MBD5: variants seen among roughly 807,000 people sequenced by gnomAD.
MBD5 encodes methyl-CpG-binding domain protein 5.
Under a neutral mutation model 117.3 loss-of-function variants are expected in MBD5, and 13 were observed. The observed-to-expected ratio is 0.11, with a 90% CI of 0.07 to 0.18. MBD5 has a LOEUF of 0.18. MBD5 is among the 10% of genes least tolerant of loss of function. The pLI, the probability that MBD5 is intolerant of heterozygous loss-of-function variation, is 1.00. For missense variants in MBD5, 1,879 were observed against 2,093.8 expected, an observed-to-expected ratio of 0.90 and a Z score of 2.00; for synonymous variants, 727 against 766.4, an observed-to-expected ratio of 0.95 and a Z score of 0.85.
chr2:148,156,080 G>A (rs1374709988), intron 1 of MBD5, among the ~76,000 whole-genome samples: 1 of 152,188 alleles, frequency 6.6e-6, no homozygotes, highest in Admixed American at 6.5e-5. Context: ...ATCCCGGACA[G>A]GTACAAAAGA....
Position 148,374,240 on chromosome 2 carries a change from T to TACACACACAC in MBD5, c.-557+31931_-557+31940dup, listed in dbSNP as rs57110874. On this transcript the variant is annotated intron_variant, in intron 4 of 13. Transcript: ENST00000642680. ...ATTCCAAACTAAATATGTTTATGCA[T>TACACACACAC]ACACACACACACACACACACACACA... Among the ~76,000 whole-genome samples, 87 of 141,970 alleles carry TACACACACAC rather than the reference T, an allele frequency of 6.1e-4. 1 individual carries two copies. The highest frequency in any genetic ancestry group is 1.3e-3 in the African/African-American group (50 of 39,080). The allele number at this position is 141,970 out of a possible 152,430, so 93.1% of individuals were successfully genotyped here.
chr2:148,224,802 A>T (rs1699779518), intron 2 of MBD5, among the ~76,000 whole-genome samples: 1 of 151,818 alleles, frequency 6.6e-6, no homozygotes, highest in Admixed American at 6.6e-5. Context: ...TGACCCCTTT[A>T]TCATAACATA....
Position 148,483,091 on chromosome 2 carries a change from T to G in MBD5, c.2519-19T>G, listed in dbSNP as rs200810831. ...ATGATTAATAACTGGGTTTTGTGTT[T>G]TTTTTTTTTTCATTTTAGGCGGTTC... On this transcript the variant is annotated intron_variant, in intron 8 of 13. Coordinates refer to ENST00000642680, the MANE Select transcript of MBD5 (RefSeq NM_001378120.1). The G allele has an allele frequency of 3.9e-6, 6 of 1,530,858 alleles. No individual in the cohort carries two copies. Among genetic ancestry groups the G allele is most frequent in the South Asian group, 3.5e-5 (3 of 85,144 alleles). The allele number at this position is 1,530,858 out of a possible 1,614,324, so 94.8% of individuals were successfully genotyped here. A position where few individuals can be genotyped will look rare whatever the true frequency, so the allele number is the denominator to read the frequency against.
Position 148,401,492 on chromosome 2 carries a change from G to A in MBD5, c.-556-56711G>A, listed in dbSNP as rs562191348. ...GTATTCAATTCTTTCAAGAAATCAT[G>A]TGGGTCAAAATGATTGCCCTAATTT... On this transcript the variant is annotated intron_variant, in intron 4 of 13. Transcript: ENST00000642680. Among the ~76,000 whole-genome samples, 38 of 152,176 alleles carry A rather than the reference G, an allele frequency of 2.5e-4. No individual in the cohort carries two copies. The South Asian group carries it at 2.9e-3, about 12-fold the overall frequency.
intron 3 of MBD5, among the ~76,000 whole-genome samples, chr2:148,294,222 T>G (rs199631397): frequency 0.25 from 35,552 of 140,042 alleles, 5,239 homozygotes; most frequent in Admixed American, 0.31. Flanking sequence ...TTTTTTTTTT[T>G]TTTTTTTTTT....
At chr2:148,447,485 T>C (rs528919561) in intron 4 of MBD5, 106 of 152,284 alleles carry the variant, frequency 7.0e-4, no homozygotes, top group African/African-American at 2.3e-3. Context: ...GGATAAATGG[T>C]TATTTAGCAA....
intron 3 of MBD5, among the ~76,000 whole-genome samples, chr2:148,320,140 A>G (rs1240452024): frequency 6.6e-6 from 1 of 151,886 alleles, no homozygotes; most frequent in African/African-American, 2.4e-5. Flanking sequence ...TTGGCATTCT[A>G]TTTGCTAGTT....
chr2:148,203,031 G>A (rs188692264), intron 2 of MBD5, among the ~76,000 whole-genome samples: 1 of 151,612 alleles, frequency 6.6e-6, no homozygotes, highest in African/African-American at 2.4e-5. Context: ...CTTGAACTTG[G>A]GAGGTGGAGG....
chr2:148,304,751 A>G (rs1220227439), intron 3 of MBD5, among the ~76,000 whole-genome samples: 2 of 152,114 alleles, frequency 1.3e-5, no homozygotes, highest in East Asian at 1.9e-4. Flanking sequence ...TTCTGGCTGA[A>G]CTGACTTGAC....
At chr2:148,474,444 C>A (rs904455720) in intron 8 of MBD5, among the ~76,000 whole-genome samples, 36 of 152,266 alleles carry the variant, frequency 2.4e-4, no homozygotes, top group African/African-American at 8.4e-4. Context: ...ACCCTACCTT[C>A]TTCCAATATG....
intron 4 of MBD5, among the ~76,000 whole-genome samples, chr2:148,422,177 G>A (rs1705630094): frequency 1.3e-5 from 2 of 152,164 alleles, no homozygotes; most frequent in Admixed American, 6.5e-5. Context: ...ACCTCATACA[G>A]AAGAGCTCTG....
chr2:148,390,487 A>G (rs1463024617), intron 4 of MBD5, among the ~76,000 whole-genome samples: 2 of 146,956 alleles, frequency 1.4e-5, no homozygotes, highest in Admixed American at 1.3e-4. Flanking sequence ...ATAAGTATAT[A>G]TATGTGTATA....
chr2:148,212,217 C>CTGT (rs1699440828), intron 2 of MBD5, among the ~76,000 whole-genome samples: 1 of 152,290 alleles, frequency 6.6e-6, no homozygotes, highest in South Asian at 2.1e-4. Context: ...AAAAGAAACC[C>CTGT]TGTATCCATT....
Position 148,342,217 on chromosome 2 carries a change from G to C in MBD5, c.-676G>C, listed in dbSNP as rs1334506857. 6.6e-6 allele frequency: 1 copy of C among 151,954 alleles called. No homozygotes were observed. The highest frequency in any genetic ancestry group is 2.4e-5 in the African/African-American group (1 of 41,414). 9.4% of individuals were successfully genotyped at this position (151,954 alleles called of 1,614,324 possible). A position where few individuals can be genotyped will look rare whatever the true frequency, so the allele number is the denominator to read the frequency against. On this transcript the variant is annotated 5_prime_UTR_variant, in exon 4 of 14. Coordinates refer to ENST00000642680, the MANE Select transcript of MBD5 (RefSeq NM_001378120.1). ...ACTCATGTTATTTCTGTTCCAGAGA[G>C]AAGAGGTACTCCCTTATAGGGACTC...
At chr2:148,352,386 C>T (rs1030340945) in intron 4 of MBD5, among the ~76,000 whole-genome samples, 2 of 151,944 alleles carry the variant, frequency 1.3e-5, no homozygotes, top group Non-Finnish European at 2.9e-5. Context: ...TACCCAATTT[C>T]CCCCAATGGT....
rs527351458 is a variant in MBD5, at chr2:148,308,131, A to T, written c.-679-34083A>T. On this transcript the variant is annotated intron_variant, in intron 3 of 13. Coordinates refer to ENST00000642680, the MANE Select transcript of MBD5 (RefSeq NM_001378120.1). ...GTGCATGTGTCCTTATAATAGAGTG[A>T]TATATAATCCTTTGGGTATATACCT... is the stretch of plus-strand genomic sequence containing the variant. 9.9e-4 allele frequency among the ~76,000 whole-genome samples: 150 copies of T among 152,186 alleles called. 1 individual carries two copies. The highest frequency in any genetic ancestry group is 1.7e-3 in the Non-Finnish European group (113 of 68,032).
At chr2:148,340,212 G>C (rs555170694) in intron 3 of MBD5, among the ~76,000 whole-genome samples, 94 of 152,094 alleles carry the variant, frequency 6.2e-4, no homozygotes, top group Non-Finnish European at 1.2e-3. Flanking sequence ...CATGCCAGAA[G>C]GTAAACAAAT....
intron 1 of MBD5, among the ~76,000 whole-genome samples, chr2:148,126,242 A>T (rs78961482): frequency 9.6e-5 from 14 of 145,848 alleles, no homozygotes; most frequent in African/African-American, 3.5e-4. Flanking sequence ...CTAAAAATAA[A>T]AAAAAAAAAA....
At chr2:148,276,476 T>G (rs563071814) in intron 3 of MBD5, among the ~76,000 whole-genome samples, 1 of 152,344 alleles carries the variant, frequency 6.6e-6, no homozygotes, top group South Asian at 2.1e-4. Context: ...ATCACTTATT[T>G]TGCTAAACCA....
Sources: gnomAD v4.1 joint callset for allele counts (sites outside exome capture counted in the v4.1 genomes callset) on GRCh38, gnomAD v4.1.1 for gene constraint, MANE v1.5 for transcripts, NCBI Gene and HGNC (gene_info 2026-07-23, HGNC 2026-07-21) for gene names.